The following TRPM3 variants were observed in gnomAD, a reference collection of about 807,000 sequenced individuals.
The protein encoded by TRPM3 is long transient receptor potential channel 3.
TRPM3 carries 77 observed loss-of-function variants against 181.2 expected under a neutral mutation model. The observed-to-expected ratio is 0.42, with a 90% CI of 0.35 to 0.51. TRPM3 has a LOEUF of 0.51. TRPM3 is among the 20% of genes least tolerant of loss of function. The pLI is 0.01. For missense variants in TRPM3, 1,759 were observed against 2,196.7 expected, an observed-to-expected ratio of 0.80 and a Z score of 3.98; for synonymous variants, 745 against 796.4, an observed-to-expected ratio of 0.94 and a Z score of 1.09.
intron 1 of TRPM3, among the ~76,000 whole-genome samples, chr9:71,321,667 C>G (rs1379439403): frequency 6.6e-6 from 1 of 152,052 alleles, no homozygotes; most frequent in Non-Finnish European, 1.5e-5. Context: ...AGATGAACTT[C>G]CTGGTAAGTA....
At chr9:70,583,389 T>G (rs1419605753) in intron 22 of TRPM3, among the ~76,000 whole-genome samples, 3 of 152,170 alleles carry the variant, frequency 2.0e-5, no homozygotes, top group African/African-American at 7.2e-5. Context: ...CTATGACTTA[T>G]AGTCATGATA....
At chr9:70,910,558 G>A (rs952949500) in intron 1 of TRPM3, among the ~76,000 whole-genome samples, 2 of 152,050 alleles carry the variant, frequency 1.3e-5, no homozygotes, top group Admixed American at 1.3e-4. Context: ...AAAATAAAAA[G>A]AATAAAACTT....
intron 7 of TRPM3, chr9:70,776,500 T>C (rs375289004): frequency 4.7e-6 from 3 of 644,264 alleles, no homozygotes; most frequent in South Asian, 1.8e-5. Context: ...AGTCAAAAAA[T>C]GATTTGCAAA....
intron 25 of TRPM3, among the ~76,000 whole-genome samples, chr9:70,538,326 T>C (rs2042321100): frequency 6.6e-6 from 1 of 152,244 alleles, no homozygotes; most frequent in Non-Finnish European, 1.5e-5. Flanking sequence ...GGGGGGGGTC[T>C]CACTTTGTTG....
chr9:71,053,881 C>T (rs115844341), intron 1 of TRPM3, among the ~76,000 whole-genome samples: 185 of 152,162 alleles, frequency 1.2e-3, no homozygotes, highest in African/African-American at 4.1e-3. Flanking sequence ...GGTCGGGATC[C>T]TTCAGACACT....
intron 1 of TRPM3, among the ~76,000 whole-genome samples, chr9:70,975,549 A>C (rs2097294291): frequency 6.6e-6 from 1 of 152,216 alleles, no homozygotes; most frequent in African/African-American, 2.4e-5. Context: ...AAGTTTCTTA[A>C]TTAGTTGCAA....
chr9:71,422,070 A>T (rs1364560670), intron 1 of TRPM3, among the ~76,000 whole-genome samples: 1 of 151,976 alleles, frequency 6.6e-6, no homozygotes, highest in Non-Finnish European at 1.5e-5. Context: ...TTCTCCCCTG[A>T]ATATATGAAA....
chr9:71,243,969 A>AC (rs2081883285), intron 1 of TRPM3, among the ~76,000 whole-genome samples: 1 of 152,202 alleles, frequency 6.6e-6, no homozygotes, highest in African/African-American at 2.4e-5. Context: ...ACTGCAGGGG[A>AC]CATCAGGTGA....
intron 12 of TRPM3, among the ~76,000 whole-genome samples, chr9:70,632,420 C>A (rs965520017): frequency 1.3e-5 from 2 of 152,180 alleles, no homozygotes; most frequent in Non-Finnish European, 2.9e-5. Flanking sequence ...CTGTGACTAC[C>A]ATTGTTCATC....
intron 1 of TRPM3, among the ~76,000 whole-genome samples, chr9:71,345,555 CAG>C (rs552974554): frequency 5.9e-5 from 9 of 151,284 alleles, no homozygotes; most frequent in Admixed American, 4.6e-4. Context: ...TACATGGACA[CAG>C]AGAGGGGAAC....
At chr9:71,104,692 T>G (rs1182894588) in intron 1 of TRPM3, among the ~76,000 whole-genome samples, 1 of 151,992 alleles carries the variant, frequency 6.6e-6, no homozygotes, top group Non-Finnish European at 1.5e-5. Flanking sequence ...ACCCGTTAAG[T>G]TTTTTTTGCT....
chr9:70,553,372 A>G, intron 22 of TRPM3, 62 bp from the exon 23 acceptor site: 1 of 1,582,928 alleles, frequency 6.3e-7, no homozygotes, highest in Non-Finnish European at 8.6e-7. Context: ...AAAAAAATAA[A>G]AAGATGGATT....
intron 1 of TRPM3, among the ~76,000 whole-genome samples, chr9:71,201,242 T>C (rs2078770944): frequency 6.6e-6 from 1 of 152,206 alleles, no homozygotes; most frequent in Non-Finnish European, 1.5e-5. Flanking sequence ...CTGAGACATC[T>C]GCTGTTAGTC....
chr9:71,334,360 T>C (rs750655157), intron 1 of TRPM3, among the ~76,000 whole-genome samples: 1 of 151,814 alleles, frequency 6.6e-6, no homozygotes, highest in Non-Finnish European at 1.5e-5. Context: ...GACTATACTG[T>C]GGTTAACATA....
chr9:71,183,759 C>T (rs572576693), intron 1 of TRPM3, among the ~76,000 whole-genome samples: 36 of 152,170 alleles, frequency 2.4e-4, no homozygotes, highest in Non-Finnish European at 3.2e-4. Context: ...TAGGTGGGAT[C>T]ATTTTCTCAT....
At chr9:71,257,568 G>A (rs758646785) in intron 1 of TRPM3, among the ~76,000 whole-genome samples, 5 of 152,204 alleles carry the variant, frequency 3.3e-5, no homozygotes, top group South Asian at 2.1e-4. Context: ...AGCAAAGCAC[G>A]GGCCTGATTA....
intron 1 of TRPM3, among the ~76,000 whole-genome samples, chr9:70,946,169 T>C: frequency 6.6e-6 from 1 of 152,148 alleles, no homozygotes. Flanking sequence ...AGACAGGGTC[T>C]AGCTATGTCA....
chr9:71,402,845 A>T (rs530527729), intron 1 of TRPM3, among the ~76,000 whole-genome samples: 1 of 151,144 alleles, frequency 6.6e-6, no homozygotes, highest in South Asian at 2.1e-4. Context: ...TGTAGGTCAG[A>T]TTTTTTTTTA....
chr9:70,903,487 C>T (rs537813852), intron 1 of TRPM3, among the ~76,000 whole-genome samples: 1 of 152,036 alleles, frequency 6.6e-6, no homozygotes. Flanking sequence ...AGTGGCACTC[C>T]ATTCAAAGTG....
Sources: gnomAD v4.1 joint callset for allele counts (sites outside exome capture counted in the v4.1 genomes callset) on GRCh38, gnomAD v4.1.1 for gene constraint, MANE v1.5 for transcripts, NCBI Gene and HGNC (gene_info 2026-07-23, HGNC 2026-07-21) for gene names.